The following GALNT16 variants were observed in gnomAD, a reference collection of about 807,000 sequenced individuals.
GALNT16 encodes the protein polypeptide N-acetylgalactosaminyltransferase 16.
In GALNT16, 40 loss-of-function variants were observed where a neutral mutation model predicts 76.1. The ratio of observed to expected loss-of-function variants is 0.53; its 90% CI spans 0.41 to 0.68. The LOEUF (loss-of-function observed/expected upper bound fraction) is 0.68. Among genes scored for constraint, GALNT16 ranks in the 30% least tolerant of loss-of-function variants. The pLI, the probability that GALNT16 is intolerant of heterozygous loss-of-function variation, is 0.00. For synonymous variants in GALNT16, 276 were observed against 285.2 expected (o/e 0.97, Z 0.32); for missense variants, 621 against 731.9 (o/e 0.85, Z 1.75).
chr14:69,310,464 C>T (rs921886280), intron 1 of GALNT16, among the ~76,000 whole-genome samples: 3 of 152,110 alleles, frequency 2.0e-5, no homozygotes, highest in East Asian at 3.9e-4. Flanking sequence ...CTGTGTCTTC[C>T]CTTTAAGGTC....
At chr14:69,385,038 A>C in the GALNT16 span, among the ~76,000 whole-genome samples, 226 of 152,232 alleles carry the variant, frequency 1.5e-3, no homozygotes, top group Admixed American at 0.011. Context: ...GCAATCCTTG[A>C]TCCAGTGGGA....
At chr14:69,260,836 G>T (rs1382073258) in intron 1 of GALNT16, among the ~76,000 whole-genome samples, 2 of 152,122 alleles carry the variant, frequency 1.3e-5, no homozygotes, top group East Asian at 2.0e-4. Context: ...CCCAGCGCGC[G>T]GCGAGCGGGC....
chr14:69,333,152 C>A lies in GALNT16; in HGVS notation c.846C>A (p.Asp282Glu). Residue 282 changes from aspartate to glutamate, a missense_variant, in exon 8 of 15, where the codon GAC becomes GAA. Transcript: ENST00000448469. The surrounding 1 kb of genome is among the most constrained non-coding windows in gnomAD (Gnocchi z 4.2). The stretch of plus-strand genomic sequence containing the variant: ...TTGAGCAGAAGATGACCCGGACAGA[C>A]CCCACCAGGCCCATAAGGTCAGAGC... Reference protein sequence around the residue: ...IPLEQKMTRTDPTRPIRTPVI... With the variant: ...IPLEQKMTRTEPTRPIRTPVI... 1 of 1,610,956 alleles carries A rather than the reference C, an allele frequency of 6.2e-7. No individual in the cohort carries two copies. Among genetic ancestry groups the A allele is most frequent in the African/African-American group, 1.3e-5 (1 of 74,984 alleles).
chr14:69,356,683 G>A (rs987212358), downstream of GALNT16: 1 of 151,150 alleles, frequency 6.6e-6, no homozygotes, highest in Non-Finnish European at 1.5e-5. Context: ...AGCCTCCCGA[G>A]TAGCTGGGAC....
intron 1 of GALNT16, among the ~76,000 whole-genome samples, chr14:69,307,556 C>T (rs989351873): frequency 6.6e-6 from 1 of 152,120 alleles, no homozygotes; most frequent in Non-Finnish European, 1.5e-5. Flanking sequence ...CTTGACACCC[C>T]AAGGCAGTAC....
Position 69,333,400 on chromosome 14 carries a change from G to A in GALNT16, c.864-97G>A. The A allele has an allele frequency of 1.3e-6, 1 of 773,792 alleles. No homozygotes were observed. The highest frequency in any genetic ancestry group is 1.5e-5 in the South Asian group (1 of 67,964). The allele number at this position is 773,792 out of a possible 1,614,324, so 47.9% of individuals were successfully genotyped here. ...CCTGCCCCAGTGACTCTGCAGGGAG[G>A]GATCTAGAGGCAGACGGTCTTGGGT... On this transcript the variant is annotated intron_variant, in intron 8 of 14. Coordinates refer to ENST00000448469, the MANE Select transcript of GALNT16 (RefSeq NM_001168368.2). The surrounding 1 kb of genome is among the most constrained non-coding windows in gnomAD (Gnocchi z 4.2).
At chr14:69,374,058 G>A in the GALNT16 span, among the ~76,000 whole-genome samples, 2 of 152,336 alleles carry the variant, frequency 1.3e-5, no homozygotes, top group Non-Finnish European at 2.9e-5. Context: ...TGGGATTACA[G>A]GCGTGAGCCA....
At chr14:69,328,180 CTG>C (rs921014630) in intron 5 of GALNT16, among the ~76,000 whole-genome samples, 9 of 152,102 alleles carry the variant, frequency 5.9e-5, no homozygotes, top group African/African-American at 2.2e-4. Flanking sequence ...TAAACTGTGA[CTG>C]TTCATCAGTG....
intron 1 of GALNT16, among the ~76,000 whole-genome samples, chr14:69,281,732 A>T (rs1354856196): frequency 1.3e-5 from 2 of 152,074 alleles, no homozygotes; most frequent in Non-Finnish European, 2.9e-5. Context: ...GCCTTTCTCC[A>T]TCCCAGCACA....
At position 69,260,358 on chromosome 14, in the gene GALNT16, A is replaced by T. The variant is rs765736957; in HGVS notation, c.68A>T (p.Tyr23Phe). The T allele has an allele frequency of 6.2e-7, 1 of 1,611,912 alleles. No individual in the cohort carries two copies. The highest frequency in any genetic ancestry group is 8.5e-7 in the Non-Finnish European group (1 of 1,179,182). The change falls in exon 1 of 15, where the codon TAC becomes TTC. Residue 23 changes from tyrosine (Y) to phenylalanine (F), a missense_variant. Tyr to Phe is a conservative substitution (Grantham distance 22). Transcript: ENST00000448469. ...TVAWILGTFY[Y>F]LWQDNRAHAA... ...GCCTGGATCCTGGGCACTTTCTACTACTTATGGCAGGACAACCGAGCCCAC... is the reference window on the plus strand; with the variant it reads ...GCCTGGATCCTGGGCACTTTCTACTTCTTATGGCAGGACAACCGAGCCCAC...
intron 2 of GALNT16, among the ~76,000 whole-genome samples, chr14:69,321,995 G>A (rs891877260): frequency 6.6e-6 from 1 of 152,256 alleles, no homozygotes; most frequent in Non-Finnish European, 1.5e-5. Flanking sequence ...TAGGTGAGGT[G>A]AGGGTGCGAG....
intron 1 of GALNT16, among the ~76,000 whole-genome samples, chr14:69,280,634 G>A (rs929003396): frequency 2.6e-5 from 4 of 151,998 alleles, no homozygotes; most frequent in African/African-American, 7.2e-5. Context: ...TTTTCTTACC[G>A]TTTTAGCTGG....
At chr14:69,279,905 T>C (rs1175792257) in intron 1 of GALNT16, among the ~76,000 whole-genome samples, 1 of 152,252 alleles carries the variant, frequency 6.6e-6, no homozygotes, top group African/African-American at 2.4e-5. Flanking sequence ...GTACTTATTC[T>C]GTTCCCAAGC....
At chr14:69,342,296 A>T (rs1010277772) in intron 12 of GALNT16, among the ~76,000 whole-genome samples, 6 of 151,674 alleles carry the variant, frequency 4.0e-5, no homozygotes, top group African/African-American at 1.5e-4. Flanking sequence ...AAAAATCAAA[A>T]AATTAGCTGG....
chr14:69,270,849 C>T (rs113021238), intron 1 of GALNT16, among the ~76,000 whole-genome samples: 241 of 152,292 alleles, frequency 1.6e-3, no homozygotes, highest in Middle Eastern at 0.01. Flanking sequence ...AGAAAGAACA[C>T]GTGATCGCCT....
intron 1 of GALNT16, among the ~76,000 whole-genome samples, chr14:69,294,410 C>T (rs1387458023): frequency 2.6e-5 from 4 of 152,260 alleles, no homozygotes; most frequent in South Asian, 2.1e-4. Flanking sequence ...CATGAGCCAC[C>T]GCGCCCAGCC....
intron 1 of GALNT16, among the ~76,000 whole-genome samples, chr14:69,267,773 T>C (rs1207067723): frequency 6.6e-6 from 1 of 151,840 alleles, no homozygotes; most frequent in Non-Finnish European, 1.5e-5. Flanking sequence ...GGTGAGTCAG[T>C]CCCACTCCCT....
chr14:69,351,953 G>T, intron 14 of GALNT16, 78 bp from the exon 15 acceptor site: 3 of 1,378,622 alleles, frequency 2.2e-6, no homozygotes, highest in Non-Finnish European at 3.0e-6. Context: ...GTGCATACAT[G>T]TGGAATGAAA....
At position 69,347,041 on chromosome 14, in the gene GALNT16, G is replaced by C; in HGVS notation, c.1273G>C (p.Val425Leu). 1 of 1,614,090 alleles carries C rather than the reference G, an allele frequency of 6.2e-7. No individual in the cohort carries two copies. The highest frequency in any genetic ancestry group is 8.5e-7 in the Non-Finnish European group (1 of 1,179,986). ...YLENVYPELT[V>L]PVKEALPGII... ...CCTGACTGCTGCCTTTTCTCTCAGG[G>C]TCCCCGTGAAGGAAGCACTCCCCGG... The change falls in exon 13 of 15, where the codon GTC becomes CTC. Residue 425 changes from valine to leucine, a missense_variant and splice_region_variant. Physicochemically the swap from Val to Leu is conservative, Grantham distance 32. Coordinates refer to ENST00000448469, the MANE Select transcript of GALNT16 (RefSeq NM_001168368.2).
Sources: gnomAD v4.1 joint callset for allele counts (sites outside exome capture counted in the v4.1 genomes callset) on GRCh38, gnomAD v4.1.1 for gene constraint, Gnocchi (gnomAD v3.1) non-coding constraint, MANE v1.5 for transcripts, NCBI Gene and HGNC (gene_info 2026-07-23, HGNC 2026-07-21) for gene names.